Variants in HNF4G observed in about 807,000 individuals in gnomAD.
HNF4G encodes hepatocyte nuclear factor 4-gamma.
In HNF4G, 21 loss-of-function variants were observed where a neutral mutation model predicts 50.9. The observed-to-expected ratio is 0.41, with a 90% CI of 0.29 to 0.59. The LOEUF (loss-of-function observed/expected upper bound fraction) is 0.59, where lower values mean the gene tolerates loss of function less well. HNF4G is among the 20% of genes least tolerant of loss of function. The pLI is 0.26. For synonymous variants in HNF4G, 198 were observed against 185.6 expected (o/e 1.07, Z -0.54); for missense variants, 527 against 559.4 (o/e 0.94, Z 0.58).
chr8:75,475,659 T>G (rs1038308050), intron 1 of HNF4G, among the ~76,000 whole-genome samples: 3 of 152,186 alleles, frequency 2.0e-5, no homozygotes, highest in Non-Finnish European at 2.9e-5. Context: ...ACTAATGGCT[T>G]ATGGATCAGT....
At chr8:75,428,173 T>C (rs1271937454) in intron 1 of HNF4G, among the ~76,000 whole-genome samples, 1 of 152,168 alleles carries the variant, frequency 6.6e-6, no homozygotes, top group African/African-American at 2.4e-5. Flanking sequence ...AAACCTCAGG[T>C]TAATGCTGCA....
intron 1 of HNF4G, among the ~76,000 whole-genome samples, chr8:75,434,778 C>T (rs960351733): frequency 2.6e-5 from 4 of 151,730 alleles, no homozygotes; most frequent in South Asian, 2.1e-4. Context: ...TACAGGGACA[C>T]GATAAATAGC....
chr8:75,482,483 C>T (rs1363274848), intron 1 of HNF4G, among the ~76,000 whole-genome samples: 2 of 152,126 alleles, frequency 1.3e-5, no homozygotes, highest in African/African-American at 4.8e-5. Flanking sequence ...TCTCCTGCCT[C>T]AGCCTCCCGA....
At chr8:75,455,043 C>T (rs1397438918) in intron 1 of HNF4G, among the ~76,000 whole-genome samples, 1 of 152,094 alleles carries the variant, frequency 6.6e-6, no homozygotes, top group Non-Finnish European at 1.5e-5. Flanking sequence ...CTCTCATTGT[C>T]CTCACATCAT....
In HNF4G at chr8:75,542,140, T is replaced by TA. The variant is rs201044714; in HGVS notation, c.119-1662dup. Among the ~76,000 whole-genome samples the TA allele has an allele frequency of 7.0e-3, 1,045 of 149,984 alleles. 9 individuals carry two copies. The highest frequency in any genetic ancestry group is 0.023 in the African/African-American group (953 of 40,948). On this transcript the variant is annotated intron_variant, in intron 1 of 9. Transcript: ENST00000396423. ...ACATAGTGAGACCTTGTCTCTACAA[T>TA]AAAAAAAAATAAAAACTAGCTGGAT...
chr8:75,463,980 G>T (rs1162343247), intron 1 of HNF4G, among the ~76,000 whole-genome samples: 2 of 151,898 alleles, frequency 1.3e-5, no homozygotes, highest in Non-Finnish European at 2.9e-5. Context: ...CTCCATGTTG[G>T]TCAGGCTGGT....
chr8:75,553,614 C>T (rs1382126003), intron 5 of HNF4G, among the ~76,000 whole-genome samples: 2 of 151,958 alleles, frequency 1.3e-5, no homozygotes, highest in East Asian at 1.9e-4. Flanking sequence ...TACCAGGTCA[C>T]TCCTAGACAG....
At chr8:75,447,734 TATC>T (rs1281204104) in intron 1 of HNF4G, among the ~76,000 whole-genome samples, 1 of 149,362 alleles carries the variant, frequency 6.7e-6, no homozygotes, top group African/African-American at 2.5e-5. Flanking sequence ...CACTATGAGA[TATC>T]ATCTCACACC....
At chr8:75,525,740 A>G (rs535924777) in intron 2 of HNF4G, among the ~76,000 whole-genome samples, 1 of 152,324 alleles carries the variant, frequency 6.6e-6, no homozygotes, top group African/African-American at 2.4e-5. Context: ...ATTAAGATAT[A>G]AGATTATATT....
intron 1 of HNF4G, among the ~76,000 whole-genome samples, chr8:75,430,467 T>C (rs1263464728): frequency 8.9e-6 from 1 of 112,096 alleles, no homozygotes; most frequent in Admixed American, 9.7e-5. Context: ...GAGACGGGGG[T>C]AGGGAGTAGA....
chr8:75,494,684 T>G (rs1812723914), intron 2 of HNF4G, among the ~76,000 whole-genome samples: 1 of 151,092 alleles, frequency 6.6e-6, no homozygotes, highest in Non-Finnish European at 1.5e-5. Flanking sequence ...TGGTCATTAT[T>G]TTTTTTTGAA....
At chr8:75,542,700 C>T (rs117819992) in intron 1 of HNF4G, among the ~76,000 whole-genome samples, 2,030 of 151,950 alleles carry the variant, frequency 0.013, 21 homozygotes, top group South Asian at 0.024. Context: ...TATCTGGTTA[C>T]GACAGGGTTG....
In HNF4G at chr8:75,539,952, T is replaced by C; in HGVS notation, c.-11T>C. ...GCTTGTGGTGCCACTTGTATGTGTG[T>C]TTCTAAATCAATGATGAGGGTATCA... On this transcript the variant is annotated 5_prime_UTR_variant, in exon 1 of 10. Transcript: ENST00000396423. The C allele has an allele frequency of 8.2e-7, 1 of 1,217,506 alleles. No homozygotes were observed. The highest frequency in any genetic ancestry group is 1.2e-6 in the Non-Finnish European group (1 of 819,928). The allele number at this position is 1,217,506 out of a possible 1,614,324, so 75.4% of individuals were successfully genotyped here.
intron 1 of HNF4G, among the ~76,000 whole-genome samples, chr8:75,464,744 A>T (rs778324810): frequency 5.9e-5 from 9 of 152,190 alleles, no homozygotes; most frequent in Non-Finnish European, 1.3e-4. Flanking sequence ...CTGCTTTCTA[A>T]TTCCTCTCAT....
At chr8:75,458,780 A>C (rs1041657983) in intron 1 of HNF4G, among the ~76,000 whole-genome samples, 3 of 152,174 alleles carry the variant, frequency 2.0e-5, no homozygotes, top group African/African-American at 7.2e-5. Context: ...TACAGTTTTC[A>C]TCTCATGTGT....
chr8:75,495,189 A>C (rs779546591), intron 2 of HNF4G, among the ~76,000 whole-genome samples: 7 of 152,184 alleles, frequency 4.6e-5, no homozygotes, highest in Non-Finnish European at 8.8e-5. Flanking sequence ...TACTCTTCTC[A>C]TTGTGTCATC....
At chr8:75,484,961 G>A (rs1812465801) in intron 1 of HNF4G, among the ~76,000 whole-genome samples, 1 of 152,202 alleles carries the variant, frequency 6.6e-6, no homozygotes, top group Non-Finnish European at 1.5e-5. Flanking sequence ...CAGCTCCAAT[G>A]TAAACCTGAC....
intron 1 of HNF4G, among the ~76,000 whole-genome samples, chr8:75,479,426 G>A (rs1361003268): frequency 6.6e-6 from 1 of 152,100 alleles, no homozygotes. Context: ...AAAATTTTTA[G>A]TAATCAAATC....
At chr8:75,452,395 C>G (rs1041592442) in intron 1 of HNF4G, among the ~76,000 whole-genome samples, 1 of 152,050 alleles carries the variant, frequency 6.6e-6, no homozygotes, top group Non-Finnish European at 1.5e-5. Flanking sequence ...ATTGTCTTCA[C>G]TTTCCAAATA....
Sources: gnomAD v4.1 joint callset for allele counts (sites outside exome capture counted in the v4.1 genomes callset) on GRCh38, gnomAD v4.1.1 for gene constraint, MANE v1.5 for transcripts, NCBI Gene and HGNC (gene_info 2026-07-23, HGNC 2026-07-21) for gene names.